The following CSMD3 variants were observed in gnomAD, a reference collection of about 807,000 sequenced individuals.
CSMD3 encodes CUB and sushi domain-containing protein 3.
Under a neutral mutation model 435.2 loss-of-function variants are expected in CSMD3, and 177 were observed. The ratio of observed to expected loss-of-function variants is 0.41; its 90% CI spans 0.36 to 0.46. CSMD3 has a LOEUF of 0.46. Ranked by LOEUF, CSMD3 falls within the 20% of genes least tolerant of loss-of-function variation. The pLI is 0.34. For missense variants in CSMD3, 4,265 were observed against 4,504.6 expected (o/e 0.95, Z 1.52); for synonymous variants, 1,656 against 1,520.5 (o/e 1.09, Z -2.07).
At chr8:113,019,942 T>C (rs1429320100) in intron 5 of CSMD3, among the ~76,000 whole-genome samples, 1 of 151,714 alleles carries the variant, frequency 6.6e-6, no homozygotes, top group Admixed American at 6.6e-5. Flanking sequence ...GGCGGGTGGA[T>C]CATGAGGTCA....
In CSMD3 at chr8:112,645,192, C is replaced by T. The variant is rs769136076; in HGVS notation, c.3227G>A (p.Gly1076Glu). The change falls in exon 20 of 71, where the codon GGA becomes GAA. Residue 1076 changes from glycine (G) to glutamate (E), a missense_variant. Physicochemically the swap from Gly to Glu is moderately conservative, Grantham distance 98 (BLOSUM62 -2). Coordinates refer to ENST00000297405, the MANE Select transcript of CSMD3 (RefSeq NM_198123.2). ...LCGGDVRGPS[G>E]TILSPGYPEF... is the part of the protein sequence containing the mutation. ...CGGGTAACCAGGTGATAAGATTGTT[C>T]CACTAGGCCCTCTAACATCTCCTCC... 16 of 1,602,048 alleles carry T rather than the reference C, an allele frequency of 1.0e-5. No individual in the cohort carries two copies. The highest frequency in any genetic ancestry group is 1.3e-5 in the African/African-American group (1 of 74,620).
chr8:112,290,364 A>G (rs1218511393), intron 56 of CSMD3, among the ~76,000 whole-genome samples: 1 of 152,038 alleles, frequency 6.6e-6, no homozygotes, highest in Non-Finnish European at 1.5e-5. Flanking sequence ...CAAAAAACAT[A>G]TGAGAGCTCA....
At position 112,495,775 on chromosome 8, in the gene CSMD3, T is replaced by C. The variant is rs182811796; in HGVS notation, c.5084-3092A>G. On this transcript the variant is annotated intron_variant, in intron 30 of 70. Coordinates refer to ENST00000297405, the MANE Select transcript of CSMD3 (RefSeq NM_198123.2). Reference sequence around the variant, plus strand: ...TTTTTCTGCTTAATAGTGATTTGCCTACTGAACAGATACTAGGTAAAAGAG... The same window carrying C: ...TTTTTCTGCTTAATAGTGATTTGCCCACTGAACAGATACTAGGTAAAAGAG... 1.3e-3 allele frequency among the ~76,000 whole-genome samples: 201 copies of C among 152,230 alleles called. 1 individual carries two copies. In the Middle Eastern group the frequency reaches 0.017, roughly 13 times the overall value.
intron 13 of CSMD3, among the ~76,000 whole-genome samples, chr8:112,712,192 AAGAAGACCCACT>A (rs1351681539): frequency 1.3e-5 from 2 of 152,154 alleles, no homozygotes. Context: ...CTGTGAGCTT[AAGAAGACCCACT>A]ATGAAGAGCA....
At chr8:112,610,187 A>G (rs1833145889) in intron 22 of CSMD3, among the ~76,000 whole-genome samples, 1 of 152,148 alleles carries the variant, frequency 6.6e-6, no homozygotes, top group Admixed American at 6.6e-5. Flanking sequence ...ACACACACAC[A>G]GTGTAACTAT....
intron 35 of CSMD3, among the ~76,000 whole-genome samples, chr8:112,394,742 C>T (rs1830723862): frequency 6.6e-6 from 1 of 152,172 alleles, no homozygotes; most frequent in Admixed American, 6.5e-5. Flanking sequence ...CTACAGCATT[C>T]TCACTCCCCA....
chr8:112,618,494 T>C (rs1833821414), intron 22 of CSMD3, among the ~76,000 whole-genome samples: 1 of 152,086 alleles, frequency 6.6e-6, no homozygotes, highest in African/African-American at 2.4e-5. Flanking sequence ...CTTGGATGCC[T>C]GGGTTCCTTC....
chr8:112,569,151 G>T (rs2047118259), intron 24 of CSMD3, among the ~76,000 whole-genome samples: 1 of 152,150 alleles, frequency 6.6e-6, no homozygotes, highest in South Asian at 2.1e-4. Flanking sequence ...AGTATATGCG[G>T]TTGGCACTGC....
intron 7 of CSMD3, among the ~76,000 whole-genome samples, chr8:112,968,822 A>G (rs2084526808): frequency 6.6e-6 from 1 of 152,040 alleles, no homozygotes; most frequent in Non-Finnish European, 1.5e-5. Context: ...TGCTGGGCAT[A>G]CATTAGTATC....
At chr8:113,376,997 G>T in intron 1 of CSMD3, 1 of 1,135,124 alleles carries the variant, frequency 8.8e-7, no homozygotes, top group Non-Finnish European at 1.2e-6. Flanking sequence ...AGCCGGGCCC[G>T]CAGCCACATC....
At chr8:113,355,749 T>TATATACAC (rs1357514892) in intron 1 of CSMD3, among the ~76,000 whole-genome samples, 105 of 81,312 alleles carry the variant, frequency 1.3e-3, no homozygotes, top group African/African-American at 4.9e-3. Flanking sequence ...TATATATATA[T>TATATACAC]ACACACACAC....
chr8:113,389,328 A>T (rs1389755901), intron 1 of CSMD3, among the ~76,000 whole-genome samples: 3 of 151,670 alleles, frequency 2.0e-5, no homozygotes, highest in African/African-American at 7.2e-5. Context: ...TAAAGCTAAA[A>T]ACAATAAAAA....
In CSMD3 at chr8:112,954,695, T is replaced by G; in HGVS notation, c.1409A>C (p.Lys470Thr). ...AGAAGTACACTCACAGATAGAAAAC[T>G]TGTTGCTGTTGTCTTTCCCTGGAAA... Reference protein sequence around the residue: ...KLFPGKDNSNKFSILNEGGIK... With the variant: ...KLFPGKDNSNTFSILNEGGIK... The change falls in exon 8 of 71, where the codon AAG becomes ACG. Residue 470 changes from lysine to threonine, a missense_variant. Transcript: ENST00000297405. 1.3e-6 allele frequency: 2 copies of G among 1,598,104 alleles called. No homozygotes were observed. Among genetic ancestry groups the G allele is most frequent in the East Asian group, 2.2e-5 (1 of 44,564 alleles).
intron 4 of CSMD3, among the ~76,000 whole-genome samples, chr8:113,162,034 A>G (rs545668187): frequency 1.3e-5 from 2 of 152,256 alleles, no homozygotes; most frequent in East Asian, 3.9e-4. Flanking sequence ...GTGTTTTATG[A>G]AGAGAGAAAA....
intron 4 of CSMD3, among the ~76,000 whole-genome samples, chr8:113,159,867 C>T (rs985045167): frequency 3.3e-5 from 5 of 151,792 alleles, no homozygotes; most frequent in Admixed American, 6.6e-5. Flanking sequence ...AAATTGATTG[C>T]GTTATTATTC....
intron 3 of CSMD3, among the ~76,000 whole-genome samples, chr8:113,196,235 C>A (rs1009639331): frequency 6.6e-6 from 1 of 150,992 alleles, no homozygotes. Flanking sequence ...GAAAAAAAGT[C>A]ATTCTACTGG....
chr8:112,990,265 G>A (rs2085404587), intron 6 of CSMD3, among the ~76,000 whole-genome samples: 4 of 152,124 alleles, frequency 2.6e-5, no homozygotes, highest in South Asian at 4.1e-4. Context: ...TTACAAAACT[G>A]TGTTACGCCA....
chr8:113,175,799 T>C (rs898610463), intron 3 of CSMD3, among the ~76,000 whole-genome samples: 4 of 152,034 alleles, frequency 2.6e-5, no homozygotes, highest in Non-Finnish European at 4.4e-5. Context: ...TTAGAATTAA[T>C]CCACTCCTCT....
intron 9 of CSMD3, among the ~76,000 whole-genome samples, chr8:112,924,515 T>C (rs986459294): frequency 1.3e-5 from 2 of 152,116 alleles, no homozygotes; most frequent in African/African-American, 4.8e-5. Context: ...CTAAAAGTAA[T>C]AAATGACATC....
Sources: gnomAD v4.1 joint callset for allele counts (sites outside exome capture counted in the v4.1 genomes callset) on GRCh38, gnomAD v4.1.1 for gene constraint, MANE v1.5 for transcripts, NCBI Gene and HGNC (gene_info 2026-07-23, HGNC 2026-07-21) for gene names.